The following RPS6KC1 variants were observed in gnomAD, a reference collection of about 807,000 sequenced individuals.
RPS6KC1 encodes the protein ribosomal protein S6 kinase C1.
A neutral mutation model predicts 103.8 loss-of-function variants in RPS6KC1; 54 were observed. The observed-to-expected ratio is 0.52, with a 90% CI of 0.42 to 0.65. The LOEUF (loss-of-function observed/expected upper bound fraction) is 0.65. Ranked by LOEUF, RPS6KC1 falls within the 30% of genes least tolerant of loss-of-function variation. The pLI is 0.00. For missense variants in RPS6KC1, 1,151 were observed against 1,253.8 expected (o/e 0.92, Z 1.24); for synonymous variants, 439 against 438.7 (o/e 1.00, Z -0.01).
the RPS6KC1 span, among the ~76,000 whole-genome samples, chr1:213,781,780 G>A: frequency 1.3e-5 from 2 of 152,162 alleles, no homozygotes; most frequent in Non-Finnish European, 2.9e-5. Context: ...GTGTGGTCAG[G>A]CAGATGTAAG....
At chr1:213,295,565 C>T in the RPS6KC1 span, among the ~76,000 whole-genome samples, 75,191 of 152,044 alleles carry the variant, frequency 0.49, 20,314 homozygotes, top group African/African-American at 0.72. Context: ...GACTAAGGAG[C>T]TCAGAATATA....
chr1:213,480,119 T>C, the RPS6KC1 span, among the ~76,000 whole-genome samples: 6 of 152,076 alleles, frequency 3.9e-5, no homozygotes, highest in African/African-American at 1.2e-4. Context: ...AATTTTAGAA[T>C]AGTGTTTAAA....
chr1:213,726,615 C>T, the RPS6KC1 span, among the ~76,000 whole-genome samples: 1 of 152,186 alleles, frequency 6.6e-6, no homozygotes, highest in African/African-American at 2.4e-5. Context: ...ATTGCTTAAG[C>T]ATCTAAGAAT....
chr1:213,159,757 G>C (rs1035130261), intron 6 of RPS6KC1, among the ~76,000 whole-genome samples: 2 of 152,170 alleles, frequency 1.3e-5, no homozygotes, highest in African/African-American at 4.8e-5. Context: ...GATTCTCGAA[G>C]TGTTTTTTAT....
the RPS6KC1 span, among the ~76,000 whole-genome samples, chr1:213,516,265 T>C: frequency 6.6e-6 from 1 of 152,122 alleles, no homozygotes; most frequent in Non-Finnish European, 1.5e-5. Flanking sequence ...TCCAACACTA[T>C]GTTGAATAGG....
the RPS6KC1 span, among the ~76,000 whole-genome samples, chr1:213,499,076 G>C: frequency 6.6e-6 from 1 of 152,112 alleles, no homozygotes; most frequent in Non-Finnish European, 1.5e-5. Flanking sequence ...CACCGTGCCC[G>C]GCCAGATTAA....
chr1:213,697,463 A>T, the RPS6KC1 span, among the ~76,000 whole-genome samples: 46 of 152,394 alleles, frequency 3.0e-4, no homozygotes, highest in African/African-American at 1.1e-3. Flanking sequence ...AGAGAGGACC[A>T]GAGAGGAACT....
the RPS6KC1 span, among the ~76,000 whole-genome samples, chr1:213,697,316 TC>T: frequency 6.6e-6 from 1 of 152,196 alleles, no homozygotes; most frequent in Non-Finnish European, 1.5e-5. Flanking sequence ...CAAATCAGTG[TC>T]GTGCATTACT....
the RPS6KC1 span, among the ~76,000 whole-genome samples, chr1:213,734,930 T>C: frequency 1.3e-5 from 2 of 152,082 alleles, no homozygotes; most frequent in Non-Finnish European, 2.9e-5. Context: ...TTGTTGTTTG[T>C]TGTTGTTGTT....
In RPS6KC1 at chr1:213,241,361, T is replaced by C. The variant is rs1261934112; in HGVS notation, c.1885T>C (p.Leu629=). ...ATTGTATAGTCTAAAATCAGAACCTTTGAAACCATTCTTTACTCTTCCAGA... is the reference window on the plus strand; with the variant it reads ...ATTGTATAGTCTAAAATCAGAACCTCTGAAACCATTCTTTACTCTTCCAGA... The part of the protein sequence containing the change: ...EKLYSLKSEP[L]KPFFTLPDGD... Residue 629 remains leucine, a synonymous_variant, in exon 11 of 15, where the codon TTG becomes CTG. Transcript: ENST00000366960. The C allele has an allele frequency of 3.1e-6, 5 of 1,613,920 alleles. No individual in the cohort carries two copies. In the Admixed American group the frequency reaches 6.7e-5, roughly 22 times the overall value.
the RPS6KC1 span, among the ~76,000 whole-genome samples, chr1:213,834,227 G>T: frequency 6.6e-6 from 1 of 152,082 alleles, no homozygotes; most frequent in Non-Finnish European, 1.5e-5. Context: ...GTTTTGCCAG[G>T]TTTCCCAGGC....
the RPS6KC1 span, among the ~76,000 whole-genome samples, chr1:213,447,399 A>G: frequency 2.4e-4 from 37 of 152,300 alleles, no homozygotes; most frequent in Admixed American, 9.1e-4. Flanking sequence ...TGCCAGTTTC[A>G]TATGTAACTT....
chr1:213,495,615 C>T, the RPS6KC1 span, among the ~76,000 whole-genome samples: 1 of 152,192 alleles, frequency 6.6e-6, no homozygotes, highest in Non-Finnish European at 1.5e-5. Flanking sequence ...GCCACTGCAC[C>T]TGGCCCTAAT....
At chr1:213,602,485 G>A in the RPS6KC1 span, among the ~76,000 whole-genome samples, 5 of 151,782 alleles carry the variant, frequency 3.3e-5, no homozygotes, top group African/African-American at 7.2e-5. Flanking sequence ...TGCCTGCCTC[G>A]GCCTCCCAAA....
the RPS6KC1 span, among the ~76,000 whole-genome samples, chr1:213,296,105 A>G: frequency 6.6e-6 from 1 of 152,232 alleles, no homozygotes; most frequent in Non-Finnish European, 1.5e-5. Context: ...TATCTTACTC[A>G]TATCCCAAAT....
chr1:213,203,828 TCATAATGA>T (rs925506113), intron 8 of RPS6KC1, among the ~76,000 whole-genome samples: 7 of 152,230 alleles, frequency 4.6e-5, no homozygotes, highest in African/African-American at 1.7e-4. Context: ...TCACATAAGG[TCATAATGA>T]CATTAACATA....
the RPS6KC1 span, among the ~76,000 whole-genome samples, chr1:213,367,267 A>G: frequency 2.0e-5 from 3 of 152,214 alleles, no homozygotes; most frequent in East Asian, 3.8e-4. Context: ...ACAATGCTGG[A>G]TTTTACTGGG....
chr1:213,415,431 C>T, the RPS6KC1 span, among the ~76,000 whole-genome samples: 4 of 152,302 alleles, frequency 2.6e-5, no homozygotes, highest in East Asian at 1.9e-4. Flanking sequence ...AAAGAGGACT[C>T]GGTTCTGCTT....
chr1:213,510,345 A>T, the RPS6KC1 span, among the ~76,000 whole-genome samples: 1 of 152,230 alleles, frequency 6.6e-6, no homozygotes, highest in East Asian at 1.9e-4. Flanking sequence ...CAAAAGTTAG[A>T]TCCACTTTTA....
Sources: allele counts gnomAD v4.1 joint callset (sites outside exome capture counted in the v4.1 genomes callset), GRCh38; gene constraint gnomAD v4.1.1; transcripts MANE v1.5; gene names NCBI Gene and HGNC (gene_info 2026-07-23, HGNC 2026-07-21).